The following PPFIBP2 variants were observed in gnomAD, a reference collection of about 807,000 sequenced individuals.
PPFIBP2 encodes liprin-beta-2.
PPFIBP2 carries 118 observed loss-of-function variants against 118.3 expected under a neutral mutation model. That is an observed-to-expected ratio of 1.00 (90% confidence interval 0.86 to 1.16). PPFIBP2 has a LOEUF of 1.16. Among genes scored for constraint, PPFIBP2 ranks in the 50% most tolerant of loss-of-function variants. The pLI is 0.00. For synonymous variants in PPFIBP2, 414 were observed against 397.4 expected (o/e 1.04, Z -0.50); for missense variants, 1,195 against 1,073.1 (o/e 1.11, Z -1.59).
At chr11:7,609,570 T>G (rs1051347553) in intron 5 of PPFIBP2, among the ~76,000 whole-genome samples, 2 of 152,254 alleles carry the variant, frequency 1.3e-5, no homozygotes, top group Admixed American at 6.5e-5. Flanking sequence ...TTTTTATTAG[T>G]GACAGGTTTG....
chr11:7,589,261 T>C (rs529863629), intron 3 of PPFIBP2, among the ~76,000 whole-genome samples: 35 of 152,248 alleles, frequency 2.3e-4, no homozygotes, highest in Non-Finnish European at 4.3e-4. Context: ...ATACTCTCCT[T>C]TATAGTCACT....
chr11:7,600,544 G>T (rs1263857242), intron 5 of PPFIBP2, among the ~76,000 whole-genome samples: 1 of 152,238 alleles, frequency 6.6e-6, no homozygotes, highest in East Asian at 1.9e-4. Context: ...CCTAGAGGCA[G>T]AGAATGGAGG....
At chr11:7,665,778 T>TCTGTCAG in the PPFIBP2 span, 34 of 1,443,532 alleles carry the variant, frequency 2.4e-5, no homozygotes, top group Admixed American at 5.9e-4. Flanking sequence ...CCTGCTGCTG[T>TCTGTCAG]CTGTCAGCTG....
chr11:7,536,979 A>G (rs527549340), intron 1 of PPFIBP2, among the ~76,000 whole-genome samples: 2 of 152,242 alleles, frequency 1.3e-5, no homozygotes, highest in South Asian at 4.1e-4. Flanking sequence ...GGTAGAAGGG[A>G]CAGGCTGGCA....
intron 2 of PPFIBP2, among the ~76,000 whole-genome samples, chr11:7,559,980 G>A (rs898075901): frequency 6.6e-6 from 1 of 152,060 alleles, no homozygotes; most frequent in African/African-American, 2.4e-5. Flanking sequence ...GTTCATTGTG[G>A]GTAAGGGGGA....
At chr11:7,661,139 C>A (rs1355927675), downstream of PPFIBP2, among the ~76,000 whole-genome samples, 1 of 151,362 alleles carries the variant, frequency 6.6e-6, no homozygotes, top group Admixed American at 6.6e-5. Flanking sequence ...TTTTGTGTCT[C>A]TATTTCCTTC....
downstream of PPFIBP2, among the ~76,000 whole-genome samples, chr11:7,660,789 G>C (rs1410008520): frequency 2.0e-5 from 3 of 151,048 alleles, no homozygotes; most frequent in Admixed American, 1.3e-4. Context: ...GACTCTTTTT[G>C]GTTGGTAAGC....
chr11:7,624,661 C>G (rs1466897270), intron 7 of PPFIBP2, among the ~76,000 whole-genome samples: 1 of 152,202 alleles, frequency 6.6e-6, no homozygotes, highest in Non-Finnish European at 1.5e-5. Context: ...CTTTTCTTAC[C>G]TGGTTTGATG....
Position 7,632,856 on chromosome 11 carries a change from C to A in PPFIBP2, c.1069-11C>A. On this transcript the variant is annotated splice_polypyrimidine_tract_variant and intron_variant, in intron 11 of 23. Transcript: ENST00000299492. Reference sequence around the variant, plus strand: ...CTGTCCTCTACCGTGACTCTTCTGTCTCTGGTGCAGATGCCTCCAAGATGT... The same window carrying A: ...CTGTCCTCTACCGTGACTCTTCTGTATCTGGTGCAGATGCCTCCAAGATGT... 1 of 1,610,370 alleles carries A rather than the reference C, an allele frequency of 6.2e-7. No individual in the cohort carries two copies. Among genetic ancestry groups the A allele is most frequent in the South Asian group, 1.1e-5 (1 of 90,964 alleles).
chr11:7,563,651 A>C (rs979793197), intron 2 of PPFIBP2, among the ~76,000 whole-genome samples: 2 of 152,204 alleles, frequency 1.3e-5, no homozygotes, highest in Non-Finnish European at 2.9e-5. Flanking sequence ...TTTCCAGTAG[A>C]GTCCTAATTT....
At chr11:7,542,104 T>C (rs1851854755) in intron 1 of PPFIBP2, among the ~76,000 whole-genome samples, 2 of 152,204 alleles carry the variant, frequency 1.3e-5, no homozygotes, top group Non-Finnish European at 2.9e-5. Flanking sequence ...TCATGTCAAC[T>C]CTATCCTCAG....
At chr11:7,613,277 G>T (rs957261936) in intron 6 of PPFIBP2, among the ~76,000 whole-genome samples, 3 of 152,170 alleles carry the variant, frequency 2.0e-5, no homozygotes, top group African/African-American at 7.2e-5. Context: ...TTTAGTTCTA[G>T]TTCTAATTTT....
chr11:7,523,139 G>T (rs985761541), intron 1 of PPFIBP2, among the ~76,000 whole-genome samples: 6 of 152,122 alleles, frequency 3.9e-5, no homozygotes, highest in African/African-American at 1.4e-4. Flanking sequence ...TGAGGAGTGA[G>T]GATCTTATCT....
chr11:7,641,430 C>A, intron 15 of PPFIBP2, 49 bp from the exon 16 acceptor site: 1 of 1,601,038 alleles, frequency 6.2e-7, no homozygotes. Context: ...AGAAGGGTTC[C>A]AGGGGTCACA....
rs563301295 is a variant in PPFIBP2, at chr11:7,547,625, G to T, written c.-36-1815G>T. Among the ~76,000 whole-genome samples, 5 of 152,032 alleles carry T rather than the reference G, an allele frequency of 3.3e-5. No homozygotes were observed. In the South Asian group the frequency reaches 8.3e-4, roughly 25 times the overall value. ...GCCCCAGGATTTCCACACCGTATTC[G>T]CTCTGTAGCGGCCTGGCTGCTCCTC... is the stretch of plus-strand genomic sequence containing the variant. On this transcript the variant is annotated intron_variant, in intron 1 of 23. Coordinates refer to ENST00000299492, the MANE Select transcript of PPFIBP2 (RefSeq NM_003621.5).
chr11:7,648,360 G>A, intron 17 of PPFIBP2, 27 bp from the exon 18 acceptor site: 2 of 1,596,144 alleles, frequency 1.3e-6, no homozygotes, highest in East Asian at 2.3e-5. Flanking sequence ...CCCACTAACA[G>A]GAATATGCTG....
Position 7,642,372 on chromosome 11 carries a change from G to T in PPFIBP2, c.1592G>T (p.Arg531Leu). 6.2e-7 allele frequency: 1 copy of T among 1,614,038 alleles called. No homozygotes were observed. The highest frequency in any genetic ancestry group is 8.5e-7 in the Non-Finnish European group (1 of 1,179,970). Residue 531 changes from arginine to leucine, a missense_variant, in exon 17 of 24, where the codon CGG (arginine) becomes CTG (leucine). Coordinates refer to ENST00000299492, the MANE Select transcript of PPFIBP2 (RefSeq NM_003621.5). ...GMAEFRRGGL[R>L]ATAGPRLSRT... ...GCAGAGTTTCGACGAGGTGGGCTCC[G>T]GGCAACCGCAGGGCCAAGACTCTCT...
intron 3 of PPFIBP2, among the ~76,000 whole-genome samples, chr11:7,589,724 A>T (rs1858893563): frequency 6.6e-6 from 1 of 152,080 alleles, no homozygotes; most frequent in Non-Finnish European, 1.5e-5. Context: ...ATGCGTGGAG[A>T]GCTGGGCAAC....
intron 6 of PPFIBP2, chr11:7,617,347 G>A (rs1048234706): frequency 1.0e-6 from 1 of 972,280 alleles, no homozygotes; most frequent in Non-Finnish European, 1.2e-6. Flanking sequence ...GCATTTCACT[G>A]GTGGAGGGGC....
Sources: gnomAD v4.1 joint callset for allele counts (sites outside exome capture counted in the v4.1 genomes callset) on GRCh38, gnomAD v4.1.1 for gene constraint, MANE v1.5 for transcripts, NCBI Gene and HGNC (gene_info 2026-07-23, HGNC 2026-07-21) for gene names.